PCSK5: variants seen among roughly 807,000 people sequenced by gnomAD.
PCSK5 encodes proprotein convertase subtilisin/kexin type 5, also known as prohormone convertase 5.
A neutral mutation model predicts 233.2 loss-of-function variants in PCSK5; 129 were observed. The observed-to-expected ratio is 0.55, with a 90% CI of 0.48 to 0.64. PCSK5 has a LOEUF of 0.64. PCSK5 is among the 30% of genes least tolerant of loss of function. The probability of loss-of-function intolerance (pLI) is 0.00; values close to 1 mark genes in which losing one functional copy is unlikely to be tolerated. For missense variants in PCSK5, 2,076 were observed against 2,430.1 expected (o/e 0.85, Z 3.06); for synonymous variants, 825 against 879.2 (o/e 0.94, Z 1.09).
In PCSK5 at chr9:76,224,304, A is replaced by ATTTTT. The variant is rs537709126; in HGVS notation, c.2627-3197_2627-3196insTTTTT. On this transcript the variant is annotated intron_variant, in intron 20 of 37. Coordinates refer to ENST00000674117, the MANE Select transcript of PCSK5 (RefSeq NM_001372043.1). ...TGGAGAAATATTCTGAGGAAAGAAG[A>ATTTTT]TTATAACAGTAGATGGGGAATTGAC... Among the ~76,000 whole-genome samples, 12 of 152,322 alleles carry ATTTTT rather than the reference A, an allele frequency of 7.9e-5. No individual in the cohort carries two copies. In the South Asian group the frequency reaches 2.5e-3, roughly 32 times the overall value.
intron 24 of PCSK5, among the ~76,000 whole-genome samples, chr9:76,261,695 G>A (rs776416561): frequency 1.3e-5 from 2 of 152,156 alleles, no homozygotes; most frequent in Admixed American, 1.3e-4. Context: ...GCAGTGGTTT[G>A]TAGTTCTCCT....
chr9:76,338,559 A>G (rs1829744972), intron 35 of PCSK5, 112 bp downstream of exon 35: 2 of 704,048 alleles, frequency 2.8e-6, no homozygotes, highest in Non-Finnish European at 2.4e-6. Context: ...TTGCTTCCCT[A>G]CCTCGTGTGT....
intron 24 of PCSK5, among the ~76,000 whole-genome samples, chr9:76,291,884 TTGTG>T: frequency 1.3e-5 from 2 of 152,226 alleles, no homozygotes. Context: ...TTCCAAATAT[TTGTG>T]TGTGGACTTG....
chr9:76,235,123 A>G (rs1247474772), intron 22 of PCSK5, among the ~76,000 whole-genome samples: 3 of 152,206 alleles, frequency 2.0e-5, no homozygotes, highest in Non-Finnish European at 4.4e-5. Context: ...GCATCAGCAC[A>G]GTGTCTGGTA....
At chr9:76,099,667 G>A (rs899467320) in intron 8 of PCSK5, among the ~76,000 whole-genome samples, 3 of 152,152 alleles carry the variant, frequency 2.0e-5, no homozygotes, top group Admixed American at 6.6e-5. Context: ...CTAGATATCA[G>A]AATGACAAAT....
In PCSK5 at chr9:75,974,139, G is replaced by A. The variant is rs536337193; in HGVS notation, c.298-11993G>A. Among the ~76,000 whole-genome samples, 5 of 152,270 alleles carry A rather than the reference G, an allele frequency of 3.3e-5. 1 individual carries two copies. Among genetic ancestry groups the A allele is most frequent in the African/African-American group, 9.6e-5 (4 of 41,570 alleles). On this transcript the variant is annotated intron_variant, in intron 2 of 37. Transcript: ENST00000674117. The stretch of plus-strand genomic sequence containing the variant: ...ATTGACTGTGGTGGGCATGGATTAC[G>A]TGTTCAGGGTGAGGGAGGCCCAGTG...
chr9:75,960,090 G>A (rs1825280981), intron 2 of PCSK5, among the ~76,000 whole-genome samples: 1 of 152,238 alleles, frequency 6.6e-6, no homozygotes, highest in Admixed American at 6.5e-5. Flanking sequence ...GGAGACAGAA[G>A]TGTAACTAAC....
intron 10 of PCSK5, among the ~76,000 whole-genome samples, chr9:76,143,069 C>A (rs1002062660): frequency 3.3e-5 from 5 of 152,102 alleles, no homozygotes; most frequent in African/African-American, 1.2e-4. Flanking sequence ...CAAATAAGTA[C>A]AGTGAGAGGG....
chr9:76,345,710 C>T (rs112491378), intron 35 of PCSK5, among the ~76,000 whole-genome samples: 6 of 151,794 alleles, frequency 4.0e-5, no homozygotes, highest in African/African-American at 1.4e-4. Context: ...ACGTGAGCCA[C>T]CGCGCCTGGC....
intron 26 of PCSK5, 87 bp from the exon 27 acceptor site, chr9:76,296,578 T>G: frequency 1.3e-6 from 1 of 761,344 alleles, no homozygotes; most frequent in East Asian, 2.7e-5. Flanking sequence ...AAGAAAAATG[T>G]CCCTAAAATT....
chr9:75,912,361 A>G (rs950897345), intron 1 of PCSK5, among the ~76,000 whole-genome samples: 4 of 152,190 alleles, frequency 2.6e-5, no homozygotes, highest in Non-Finnish European at 5.9e-5. Context: ...AGTGAGCAAG[A>G]GAGTGGTAGA....
At position 76,296,680 on chromosome 9, in the gene PCSK5, G is replaced by C; in HGVS notation, c.3338G>C (p.Arg1113Thr). 1 of 1,611,470 alleles carries C rather than the reference G, an allele frequency of 6.2e-7. No individual in the cohort carries two copies. Among genetic ancestry groups the C allele is most frequent in the South Asian group, 1.1e-5 (1 of 91,032 alleles). ...GFFLLGGSCVRKCGPGFYGDQ... is the reference protein window; with the variant it reads ...GFFLLGGSCVTKCGPGFYGDQ... ...TCTCACATAGGTGGCAGTTGTGTGAGGAAATGTGGTCCTGGATTCTATGGT... is the reference window on the plus strand; with the variant it reads ...TCTCACATAGGTGGCAGTTGTGTGACGAAATGTGGTCCTGGATTCTATGGT... Residue 1113 changes from arginine (R) to threonine (T), a missense_variant, in exon 27 of 38, where the codon AGG becomes ACG. Coordinates refer to ENST00000674117, the MANE Select transcript of PCSK5 (RefSeq NM_001372043.1).
rs1227370528 is a variant in PCSK5, at chr9:76,289,134, C to A, written c.3143-3099C>A. Among the ~76,000 whole-genome samples, 4 of 152,024 alleles carry A rather than the reference C, an allele frequency of 2.6e-5. No homozygotes were observed. In the East Asian group the frequency reaches 7.7e-4, roughly 29 times the overall value. ...GAGCGGACTTTGTAGTCCGGCCCAC[C>A]CCACCCCATACAAATGAGACAATAA... On this transcript the variant is annotated intron_variant, in intron 24 of 37. Transcript: ENST00000674117.
At chr9:75,995,781 A>ACACACACACTC (rs1491211865) in intron 3 of PCSK5, among the ~76,000 whole-genome samples, 2 of 145,346 alleles carry the variant, frequency 1.4e-5, no homozygotes, top group Admixed American at 7.0e-5. Context: ...ACACACACAC[A>ACACACACACTC]CTCACACCTC....
At chr9:75,918,273 T>A (rs1017844607) in intron 1 of PCSK5, among the ~76,000 whole-genome samples, 1 of 152,228 alleles carries the variant, frequency 6.6e-6, no homozygotes, top group Admixed American at 6.5e-5. Flanking sequence ...ATAATGTGCT[T>A]GCACCCTTTG....
intron 12 of PCSK5, among the ~76,000 whole-genome samples, chr9:76,159,612 C>T (rs1304426168): frequency 2.0e-5 from 3 of 152,134 alleles, no homozygotes; most frequent in Admixed American, 6.5e-5. Context: ...CAGAGCCAGA[C>T]AATAAATGTG....
intron 3 of PCSK5, among the ~76,000 whole-genome samples, chr9:75,991,626 G>A (rs1826770945): frequency 6.6e-6 from 1 of 152,138 alleles, no homozygotes; most frequent in South Asian, 2.1e-4. Context: ...ATTCTTTCAA[G>A]CTGCTCCAGA....
intron 4 of PCSK5, among the ~76,000 whole-genome samples, chr9:76,025,676 G>T (rs1011549936): frequency 4.6e-5 from 7 of 152,092 alleles, no homozygotes; most frequent in Non-Finnish European, 5.9e-5. Context: ...CCATATCTTT[G>T]TGGTCTTAAT....
chr9:76,087,990 A>G (rs774892808), intron 7 of PCSK5, among the ~76,000 whole-genome samples: 3 of 152,232 alleles, frequency 2.0e-5, no homozygotes, highest in Non-Finnish European at 4.4e-5. Flanking sequence ...CTGCATTTGT[A>G]TTTCCCATCT....
Sources: gnomAD v4.1 joint callset for allele counts (sites outside exome capture counted in the v4.1 genomes callset) on GRCh38, gnomAD v4.1.1 for gene constraint, MANE v1.5 for transcripts, NCBI Gene and HGNC (gene_info 2026-07-23, HGNC 2026-07-21) for gene names.